The following KHDRBS2 variants were observed in gnomAD, a reference collection of about 807,000 sequenced individuals.
KHDRBS2 encodes KH domain-containing, RNA-binding, signal transduction-associated protein 2.
KHDRBS2 carries 26 observed loss-of-function variants against 44.3 expected under a neutral mutation model. The observed-to-expected ratio is 0.59, with a 90% CI of 0.43 to 0.81. KHDRBS2 has a LOEUF of 0.81. KHDRBS2 is among the 40% of genes least tolerant of loss of function. The probability of loss-of-function intolerance (pLI) is 0.00; values close to 1 mark genes in which losing one functional copy is unlikely to be tolerated. For missense variants in KHDRBS2, 476 were observed against 433.1 expected, an observed-to-expected ratio of 1.10 and a Z score of -0.88; for synonymous variants, 194 against 151.1, an observed-to-expected ratio of 1.28 and a Z score of -2.08.
At chr6:61,711,334 T>C (rs1187485527) in intron 7 of KHDRBS2, among the ~76,000 whole-genome samples, 1 of 151,714 alleles carries the variant, frequency 6.6e-6, no homozygotes, top group African/African-American at 2.4e-5. Context: ...ATGATAAATA[T>C]AAGATGTGTT....
chr6:62,021,864 C>A (rs1336004013), intron 3 of KHDRBS2, among the ~76,000 whole-genome samples: 1 of 150,786 alleles, frequency 6.6e-6, no homozygotes, highest in African/African-American at 2.4e-5. Context: ...AATTTGATGT[C>A]TTTTTTCAAA....
chr6:62,067,990 ATGT>A (rs1460582666), intron 2 of KHDRBS2, among the ~76,000 whole-genome samples: 2 of 151,570 alleles, frequency 1.3e-5, no homozygotes, highest in Non-Finnish European at 3.0e-5. Context: ...TATTATAATA[ATGT>A]TGTTAGAAAA....
chr6:61,588,398 C>G, the KHDRBS2 span, among the ~76,000 whole-genome samples: 1 of 152,166 alleles, frequency 6.6e-6, no homozygotes, highest in Non-Finnish European at 1.5e-5. Context: ...GTTTCTTTAA[C>G]CTCCATTATG....
intron 2 of KHDRBS2, among the ~76,000 whole-genome samples, chr6:62,162,634 T>G (rs1817884091): frequency 6.6e-6 from 1 of 152,092 alleles, no homozygotes. Context: ...TCAATAGGCT[T>G]CAGTAGTTAC....
intron 7 of KHDRBS2, among the ~76,000 whole-genome samples, chr6:61,718,884 GA>G (rs1244767147): frequency 6.6e-6 from 1 of 152,078 alleles, no homozygotes; most frequent in Non-Finnish European, 1.5e-5. Flanking sequence ...CCTAATTTAG[GA>G]GTCTAATTCC....
the KHDRBS2 span, among the ~76,000 whole-genome samples, chr6:61,599,626 C>A: frequency 6.6e-6 from 1 of 152,176 alleles, no homozygotes; most frequent in South Asian, 2.1e-4. Context: ...AAATCTGACA[C>A]CCAGTAGGCC....
chr6:62,133,082 A>T (rs1810700645), intron 2 of KHDRBS2, among the ~76,000 whole-genome samples: 2 of 152,092 alleles, frequency 1.3e-5, no homozygotes, highest in African/African-American at 2.4e-5. Flanking sequence ...CTTTTTTTTT[A>T]AATAAGGATG....
chr6:61,804,335 C>A (rs1480240442), intron 6 of KHDRBS2, among the ~76,000 whole-genome samples: 2 of 152,160 alleles, frequency 1.3e-5, no homozygotes, highest in Non-Finnish European at 2.9e-5. Flanking sequence ...CTTGGACAGC[C>A]CCATCCCTGT....
chr6:61,561,233 C>G, the KHDRBS2 span, among the ~76,000 whole-genome samples: 2 of 152,186 alleles, frequency 1.3e-5, no homozygotes, highest in Non-Finnish European at 2.9e-5. Flanking sequence ...CACTCTGTCT[C>G]TCTCCTGAGC....
intron 6 of KHDRBS2, among the ~76,000 whole-genome samples, chr6:61,839,699 T>C (rs145420592): frequency 5.3e-5 from 8 of 152,246 alleles, no homozygotes; most frequent in African/African-American, 1.7e-4. Flanking sequence ...AAAACTGTGA[T>C]ATTAACAAGT....
chr6:61,950,320 C>A (rs1764486638), intron 4 of KHDRBS2, among the ~76,000 whole-genome samples: 1 of 152,008 alleles, frequency 6.6e-6, no homozygotes, highest in South Asian at 2.1e-4. Context: ...GTATAGTAAT[C>A]ACTACTGATA....
At chr6:62,167,713 T>G (rs1184239171) in intron 2 of KHDRBS2, among the ~76,000 whole-genome samples, 1 of 152,152 alleles carries the variant, frequency 6.6e-6, no homozygotes, top group Non-Finnish European at 1.5e-5. Context: ...AGCAATGCTG[T>G]GCAGTGGTCT....
At position 61,906,179 on chromosome 6, in the gene KHDRBS2, T is replaced by A. The variant is rs192638480; in HGVS notation, c.484-4808A>T. Reference sequence around the variant, plus strand: ...TTTTTAAAACGTCCAAATCTAGGGATAGCTGAACTCTTAAATACTGTCTAG... The same window carrying A: ...TTTTTAAAACGTCCAAATCTAGGGAAAGCTGAACTCTTAAATACTGTCTAG... On this transcript the variant is annotated intron_variant, in intron 4 of 8. Coordinates refer to ENST00000281156, the MANE Select transcript of KHDRBS2 (RefSeq NM_152688.4). Among the ~76,000 whole-genome samples, 8 of 152,254 alleles carry A rather than the reference T, an allele frequency of 5.3e-5. No homozygotes were observed. In the East Asian group the frequency reaches 1.5e-3, roughly 29 times the overall value.
chr6:62,102,386 C>T (rs1370024009), intron 2 of KHDRBS2, among the ~76,000 whole-genome samples: 2 of 152,164 alleles, frequency 1.3e-5, no homozygotes, highest in Non-Finnish European at 2.9e-5. Context: ...CCACTGCAGG[C>T]ACCAGGCAAT....
intron 4 of KHDRBS2, among the ~76,000 whole-genome samples, chr6:61,970,652 A>G (rs546216536): frequency 6.6e-6 from 1 of 152,304 alleles, no homozygotes; most frequent in East Asian, 1.9e-4. Flanking sequence ...CTACTGGTCT[A>G]TCATTCACAT....
rs367744883 is a variant in KHDRBS2, at chr6:62,183,047, C to T, written c.92-5735G>A. The stretch of plus-strand genomic sequence containing the variant: ...ATGTTTAACACTGGCTTCCCACACA[C>T]TTCTAGTATTTATCGGACCTCAAAA... On this transcript the variant is annotated intron_variant, in intron 1 of 8. Transcript: ENST00000281156. 1.3e-4 allele frequency among the ~76,000 whole-genome samples: 20 copies of T among 151,904 alleles called. No individual in the cohort carries two copies. The South Asian group carries it at 1.9e-3, about 14-fold the overall frequency.
chr6:61,776,380 A>G (rs1377294817), intron 6 of KHDRBS2, among the ~76,000 whole-genome samples: 147 of 151,714 alleles, frequency 9.7e-4, no homozygotes, highest in African/African-American at 3.4e-3. Flanking sequence ...GAAAATTTTC[A>G]CAACCTACTC....
chr6:62,050,598 A>G (rs559811257), intron 2 of KHDRBS2, among the ~76,000 whole-genome samples: 1 of 152,106 alleles, frequency 6.6e-6, no homozygotes, highest in South Asian at 2.1e-4. Flanking sequence ...TCTCACACAC[A>G]CACACATATA....
the KHDRBS2 span, among the ~76,000 whole-genome samples, chr6:61,663,341 G>C: frequency 4.8e-5 from 7 of 147,242 alleles, no homozygotes; most frequent in African/African-American, 1.8e-4. Flanking sequence ...CATGGCACAT[G>C]TATACATATG....
Sources: allele counts gnomAD v4.1 joint callset (sites outside exome capture counted in the v4.1 genomes callset), GRCh38; gene constraint gnomAD v4.1.1; transcripts MANE v1.5; gene names NCBI Gene and HGNC (gene_info 2026-07-23, HGNC 2026-07-21).